Variants in TERT observed in about 807,000 individuals in gnomAD.
TERT encodes telomerase reverse transcriptase.
Under a neutral mutation model 104.0 loss-of-function variants are expected in TERT, and 42 were observed. That is an observed-to-expected ratio of 0.40 (90% confidence interval 0.32 to 0.52). TERT has a LOEUF of 0.52. TERT is among the 20% of genes least tolerant of loss of function. The pLI, the probability that TERT is intolerant of heterozygous loss-of-function variation, is 0.43. For missense variants in TERT, 1,101 were observed against 1,610.3 expected, an observed-to-expected ratio of 0.68 and a Z score of 5.41; for synonymous variants, 781 against 725.6, an observed-to-expected ratio of 1.08 and a Z score of -1.23.
chr5:1,270,857 C>A lies in TERT; in HGVS notation c.2468+262G>T, dbSNP rs570452835. ...CACACCCCCCGCCCCTCGTCCTCCA[C>A]GCAGGAGCAACTCCACACCCCGCTT... On this transcript the variant is annotated intron_variant, in intron 8 of 15. Transcript: ENST00000310581. This position sits in a 1 kb window ranked among gnomAD's most constrained non-coding sequence, Gnocchi z 8.3. Among the ~76,000 whole-genome samples, 1 of 152,240 alleles carries A rather than the reference C, an allele frequency of 6.6e-6. No individual in the cohort carries two copies. The highest frequency in any genetic ancestry group is 2.4e-5 in the African/African-American group (1 of 41,462).
chr5:1,266,399 G>C, intron 10 of TERT, 65 bp downstream of exon 10: 1 of 1,376,460 alleles, frequency 7.3e-7, no homozygotes, highest in Non-Finnish European at 1.0e-6. Context: ...GGCAGGACAC[G>C]GGGGGCTCAA....
At chr5:1,291,260 C>T (rs568621435) in intron 2 of TERT, among the ~76,000 whole-genome samples, 3 of 104,868 alleles carry the variant, frequency 2.9e-5, no homozygotes, top group Admixed American at 1.8e-4. Context: ...GAGGGACACC[C>T]GGGGACAGCG....
Position 1,254,395 on chromosome 5 carries a change from C to T in TERT, c.3268G>A (p.Val1090Met), listed in dbSNP as rs121918664. 4.9e-5 allele frequency: 79 copies of T among 1,613,136 alleles called. No homozygotes were observed. The highest frequency in any genetic ancestry group is 2.0e-4 in the African/African-American group (15 of 74,926). ...GTCCTGAGTGACCCCAGGAGTGGCA[C>T]GTAGGTGACACGGTGTCGAGTCAGC... ...LKLTRHRVTY[V>M]PLLGSLRTAQ... Residue 1090 changes from valine (V) to methionine (M), a missense_variant, in exon 15 of 16, where the codon GTG becomes ATG. By Grantham distance (21) the Val-to-Met change is conservative. Coordinates refer to ENST00000310581, the MANE Select transcript of TERT (RefSeq NM_198253.3).
At position 1,271,068 on chromosome 5, in the gene TERT, C is replaced by T; in HGVS notation, c.2468+51G>A. 6 of 1,478,204 alleles carry T rather than the reference C, an allele frequency of 4.1e-6. No individual in the cohort carries two copies. In the Admixed American group the frequency reaches 6.8e-5, roughly 17 times the overall value. 91.6% of individuals were successfully genotyped at this position (1,478,204 alleles called of 1,614,324 possible). ...AGGAGAGAGGTGAGCAGAAGCCCTG[C>T]CAGCCCGCCCAGCCACCCGCAGGGC... On this transcript the variant is annotated intron_variant, in intron 8 of 15. Coordinates refer to ENST00000310581, the MANE Select transcript of TERT (RefSeq NM_198253.3).
rs746434205 is a variant in TERT at position 1,280,255 on chromosome 5, G to A, written c.1853C>T (p.Thr618Met). 16 of 1,613,666 alleles carry A rather than the reference G, an allele frequency of 9.9e-6. No individual in the cohort carries two copies. The highest frequency in any genetic ancestry group is 6.7e-5 in the East Asian group (3 of 44,904). Residue 618 changes from threonine (T) to methionine (M), a missense_variant, in exon 4 of 16, where the codon ACG becomes ATG. Thr to Met is a moderately conservative substitution (Grantham distance 81). Transcript: ENST00000310581. ...CTTGGGGATGAAGCGGAGTCTGGAC[G>A]TCAGCAGGGCGGGCCTGGCTTCCCG... ...QHREARPALL[T>M]SRLRFIPKPD...
chr5:1,294,671 G>T lies in TERT; in HGVS notation c.220-5C>A. The T allele has an allele frequency of 6.3e-7, 1 of 1,593,224 alleles. No individual in the cohort carries two copies. The highest frequency in any genetic ancestry group is 8.5e-7 in the Non-Finnish European group (1 of 1,177,880). On this transcript the variant is annotated splice_region_variant and splice_polypyrimidine_tract_variant and intron_variant, in intron 1 of 15. Coordinates refer to ENST00000310581, the MANE Select transcript of TERT (RefSeq NM_198253.3). ...CAGCTCCTTCAGGCAGGACACCTGC[G>T]GGGGAAGCGCCCTGAGTCGCCTGCG...
In TERT at chr5:1,268,391, G is replaced by A. The variant is rs1042044844; in HGVS notation, c.2582+129C>T. 2 of 746,644 alleles carry A rather than the reference G, an allele frequency of 2.7e-6. No individual in the cohort carries two copies. Among genetic ancestry groups the A allele is most frequent in the Admixed American group, 2.2e-5 (1 of 44,852 alleles). 46.3% of individuals were successfully genotyped at this position (746,644 alleles called of 1,614,324 possible). On this transcript the variant is annotated intron_variant, in intron 9 of 15. Coordinates refer to ENST00000310581, the MANE Select transcript of TERT (RefSeq NM_198253.3). This position sits in a 1 kb window ranked among gnomAD's most constrained non-coding sequence, Gnocchi z 5.5. ...CCGTGCGGCTTCATACCAAGAAGGG[G>A]CTGCAACCTTGTCTGGTTCCTCAAG...
Position 1,293,935 on chromosome 5 carries a change from C to G in TERT, c.951G>C (p.Trp317Cys). ...CGTACACCGGGGGACAAGGCGTGTC[C>G]CAGGGACGTGGTGGCCGCGATGTGG... ...PPSTSRPPRP[W>C]DTPCPPVYAE... The change falls in exon 2 of 16, where the codon TGG (tryptophan) becomes TGC (cysteine). Residue 317 changes from tryptophan (W) to cysteine (C), a missense_variant. By Grantham distance (215) the Trp-to-Cys change is radical. Coordinates refer to ENST00000310581, the MANE Select transcript of TERT (RefSeq NM_198253.3). 6.5e-7 allele frequency: 1 copy of G among 1,544,672 alleles called. No homozygotes were observed. The highest frequency in any genetic ancestry group is 8.7e-7 in the Non-Finnish European group (1 of 1,148,110).
At chr5:1,260,161 C>T (rs766906472) in intron 12 of TERT, among the ~76,000 whole-genome samples, 5 of 152,146 alleles carry the variant, frequency 3.3e-5, no homozygotes, top group Non-Finnish European at 7.4e-5. Flanking sequence ...TGCACACATG[C>T]TACTCACACT....
chr5:1,256,186 T>C lies in TERT; in HGVS notation c.3033-775A>G, dbSNP rs1419449361. 1.3e-5 allele frequency among the ~76,000 whole-genome samples: 2 copies of C among 152,020 alleles called. No homozygotes were observed. The highest frequency in any genetic ancestry group is 3.9e-4 in the East Asian group (2 of 5,178). On this transcript the variant is annotated intron_variant, in intron 13 of 15. Transcript: ENST00000310581. This position sits in a 1 kb window ranked among gnomAD's most constrained non-coding sequence, Gnocchi z 7.0. Reference sequence around the variant, plus strand: ...CACCATGCTCAGCTAATTTTTGTTTTTATTTTTCATAGAGATGGGGTTCTA... The same window carrying C: ...CACCATGCTCAGCTAATTTTTGTTTCTATTTTTCATAGAGATGGGGTTCTA...
chr5:1,274,373 GA>G lies in TERT; in HGVS notation c.2287-2094del, dbSNP rs1749388668. On this transcript the variant is annotated intron_variant, in intron 6 of 15. Coordinates refer to ENST00000310581, the MANE Select transcript of TERT (RefSeq NM_198253.3). The surrounding 1 kb of genome is among the most constrained non-coding windows in gnomAD (Gnocchi z 5.3). ...CCGTAATTATTCTGGACTCAACACA[GA>G]AAAGCCAATATATCAACACTGACGA... Among the ~76,000 whole-genome samples, 1 of 152,228 alleles carries G rather than the reference GA, an allele frequency of 6.6e-6. No homozygotes were observed. Among genetic ancestry groups the G allele is most frequent in the African/African-American group, 2.4e-5 (1 of 41,460 alleles).
intron 2 of TERT, among the ~76,000 whole-genome samples, chr5:1,290,956 A>G (rs1750877193): frequency 6.9e-6 from 1 of 143,900 alleles, no homozygotes; most frequent in African/African-American, 2.7e-5. Flanking sequence ...CCTGCACGTG[A>G]CAGGGACACC....
Position 1,293,947 on chromosome 5 carries a change from T to G in TERT, c.939A>C (p.Pro313=). ...GACAAGGCGTGTCCCAGGGACGTGG[T>G]GGCCGCGATGTGGATGGGGGGCCCG... is the stretch of plus-strand genomic sequence containing the variant. ...HHAGPPSTSR[P]PRPWDTPCPP... The change falls in exon 2 of 16, where the codon CCA becomes CCC. Residue 313 remains proline, a synonymous_variant. Transcript: ENST00000310581. The G allele has an allele frequency of 2.6e-6, 4 of 1,547,420 alleles. No homozygotes were observed. The highest frequency in any genetic ancestry group is 3.5e-6 in the Non-Finnish European group (4 of 1,149,282).
At chr5:1,260,033 CT>C (rs1748110661) in intron 12 of TERT, among the ~76,000 whole-genome samples, 1 of 152,154 alleles carries the variant, frequency 6.6e-6, no homozygotes, top group Non-Finnish European at 1.5e-5. Context: ...GCCCTCAGGG[CT>C]GCAGCTTCAG....
intron 2 of TERT, among the ~76,000 whole-genome samples, chr5:1,291,019 G>A (rs1750888190): frequency 8.0e-6 from 1 of 124,996 alleles, no homozygotes; most frequent in Admixed American, 7.7e-5. Context: ...TGGGGACCGC[G>A]CCTCACTCAC....
At chr5:1,264,701 A>T (rs2126595852) in intron 10 of TERT, 109 bp from the exon 11 acceptor site, 21 of 1,362,190 alleles carry the variant, frequency 1.5e-5, no homozygotes, top group Non-Finnish European at 2.1e-5. Flanking sequence ...GGTGATTTGG[A>T]GCAGGGTGCT....
At position 1,271,136 on chromosome 5, in the gene TERT, G is replaced by A. The variant is rs752794198; in HGVS notation, c.2451C>T (p.Ala817=). 20 of 1,612,916 alleles carry A rather than the reference G, an allele frequency of 1.2e-5. No individual in the cohort carries two copies. Among genetic ancestry groups the A allele is most frequent in the African/African-American group, 6.7e-5 (5 of 74,940 alleles). ...TGACTCACTTGCCCCTGATGCGCAC[G>A]GCGTGGTGGCACATGAAGCGTAGGA... ...DVFLRFMCHH[A]VRIRGKSYVQ... is the part of the protein sequence containing the mutation. Residue 817 remains alanine (A), a synonymous_variant, in exon 8 of 16, where the codon GCC becomes GCT. Coordinates refer to ENST00000310581, the MANE Select transcript of TERT (RefSeq NM_198253.3).
At chr5:1,285,028 G>A (rs56904570) in intron 2 of TERT, among the ~76,000 whole-genome samples, 3 of 123,914 alleles carry the variant, frequency 2.4e-5, no homozygotes, top group African/African-American at 9.2e-5. Context: ...TGCATCATCC[G>A]GACTCCATAC....
In TERT at chr5:1,267,028, T is replaced by C. The variant is rs540363569; in HGVS notation, c.2583-493A>G. On this transcript the variant is annotated intron_variant, in intron 9 of 15. Coordinates refer to ENST00000310581, the MANE Select transcript of TERT (RefSeq NM_198253.3). ...GCGCCCCATGACCATGGGCCAGAGGTATCCTGTCCCAGAGGGCTGACCAGT... is the reference window on the plus strand; with the variant it reads ...GCGCCCCATGACCATGGGCCAGAGGCATCCTGTCCCAGAGGGCTGACCAGT... Among the ~76,000 whole-genome samples, 7 of 152,278 alleles carry C rather than the reference T, an allele frequency of 4.6e-5. No homozygotes were observed. In the East Asian group the frequency reaches 1.4e-3, roughly 29 times the overall value.
Sources: gnomAD v4.1 joint callset for allele counts (sites outside exome capture counted in the v4.1 genomes callset) on GRCh38, gnomAD v4.1.1 for gene constraint, Gnocchi (gnomAD v3.1) non-coding constraint, MANE v1.5 for transcripts, NCBI Gene and HGNC (gene_info 2026-07-23, HGNC 2026-07-21) for gene names.